The following GPR149 variants were observed in gnomAD, a reference collection of about 807,000 sequenced individuals.
GPR149 encodes G protein-coupled receptor 149.
Under a neutral mutation model 50.2 loss-of-function variants are expected in GPR149, and 50 were observed. That is an observed-to-expected ratio of 1.00 (90% CI 0.79 to 1.26). The LOEUF is 1.26. Ranked by LOEUF, GPR149 falls within the 50% of genes most tolerant of loss-of-function variation. The pLI, the probability that GPR149 is intolerant of heterozygous loss-of-function variation, is 0.00. For synonymous variants in GPR149, 405 were observed against 358.2 expected (o/e 1.13, Z -1.48); for missense variants, 983 against 895.4 (o/e 1.10, Z -1.25).
At chr3:154,338,951 T>C (rs997045848) in intron 3 of GPR149, among the ~76,000 whole-genome samples, 8 of 152,324 alleles carry the variant, frequency 5.3e-5, no homozygotes, top group Non-Finnish European at 1.2e-4. Context: ...GCTTTATGTA[T>C]TAAGATTTTT....
At chr3:154,364,946 A>T (rs1714495089) in intron 3 of GPR149, among the ~76,000 whole-genome samples, 1 of 152,192 alleles carries the variant, frequency 6.6e-6, no homozygotes, top group Admixed American at 6.5e-5. Flanking sequence ...CCACCTTCAC[A>T]GACCTGCTAG....
intron 3 of GPR149, among the ~76,000 whole-genome samples, chr3:154,408,235 A>G (rs537566401): frequency 2.9e-4 from 44 of 152,362 alleles, no homozygotes; most frequent in African/African-American, 1.1e-3. Flanking sequence ...GCTCCCACTC[A>G]GATGGACAGA....
chr3:154,420,914 T>G (rs983185413), intron 3 of GPR149, 125 bp downstream of exon 3: 1 of 681,066 alleles, frequency 1.5e-6, no homozygotes, highest in Admixed American at 3.2e-5. Context: ...AGCATGGAAA[T>G]TAATTGAGGC....
Position 154,380,172 on chromosome 3 carries a change from G to C in GPR149, c.1623+40867C>G, listed in dbSNP as rs539415135. 9.1e-4 allele frequency among the ~76,000 whole-genome samples: 37 copies of C among 40,758 alleles called. No homozygotes were observed. The East Asian group carries it at 0.036, about 39-fold the overall frequency. 26.7% of individuals were successfully genotyped at this position (40,758 alleles called of 152,430 possible). A position where few individuals can be genotyped will look rare whatever the true frequency, so the allele number is the denominator to read the frequency against. ...TGTGTGTGTGTGAGAGAGACAGAGA[G>C]AGAGAGAGAGAGAGAGAGAGAGAGA... On this transcript the variant is annotated intron_variant, in intron 3 of 3. Coordinates refer to ENST00000389740, the MANE Select transcript of GPR149 (RefSeq NM_001038705.3).
intron 3 of GPR149, among the ~76,000 whole-genome samples, chr3:154,356,847 G>A (rs1036264684): frequency 6.6e-6 from 1 of 151,950 alleles, no homozygotes; most frequent in Non-Finnish European, 1.5e-5. Context: ...AGTTCATATG[G>A]AACCAAAAAA....
At chr3:154,361,902 G>A (rs1410764505) in intron 3 of GPR149, among the ~76,000 whole-genome samples, 1 of 152,106 alleles carries the variant, frequency 6.6e-6, no homozygotes, top group Admixed American at 6.5e-5. Flanking sequence ...TACAAGCAGA[G>A]CTTATTAAAA....
intron 3 of GPR149, among the ~76,000 whole-genome samples, chr3:154,347,047 A>G (rs918452946): frequency 6.6e-6 from 1 of 152,184 alleles, no homozygotes; most frequent in African/African-American, 2.4e-5. Flanking sequence ...TTCTTATTTA[A>G]TATTCACAAC....
At chr3:154,351,758 T>C (rs567960070) in intron 3 of GPR149, among the ~76,000 whole-genome samples, 2 of 152,286 alleles carry the variant, frequency 1.3e-5, no homozygotes, top group African/African-American at 4.8e-5. Flanking sequence ...TAAATTTTGT[T>C]ATTTTATAGG....
chr3:154,418,740 C>T (rs1712056535), intron 3 of GPR149, among the ~76,000 whole-genome samples: 1 of 150,468 alleles, frequency 6.6e-6, no homozygotes, highest in African/African-American at 2.5e-5. Flanking sequence ...GGGTGCAGCG[C>T]ACCAGCATGG....
In GPR149 at chr3:154,348,505, C is replaced by A. The variant is rs556036172; in HGVS notation, c.1624-10234G>T. Among the ~76,000 whole-genome samples, 32 of 152,126 alleles carry A rather than the reference C, an allele frequency of 2.1e-4. No individual in the cohort carries two copies. The South Asian group carries it at 5.8e-3, about 28-fold the overall frequency. On this transcript the variant is annotated intron_variant, in intron 3 of 3. Coordinates refer to ENST00000389740, the MANE Select transcript of GPR149 (RefSeq NM_001038705.3). ...TCAGACAAAAGAAAGTTATCAGAGACAGGGAAAATTACTATATAATAATAA... is the reference window on the plus strand; with the variant it reads ...TCAGACAAAAGAAAGTTATCAGAGAAAGGGAAAATTACTATATAATAATAA...
Position 154,351,311 on chromosome 3 carries a change from T to TGCAAAAAAAAAAAAAAAAAAAAAAA in GPR149, c.1624-13041_1624-13040insTTTTTTTTTTTTTTTTTTTTTTTGC, listed in dbSNP as rs1341107044. On this transcript the variant is annotated intron_variant, in intron 3 of 3. Transcript: ENST00000389740. ...GTGCTAGGGCAATTAGACATCCACA[T>TGCAAAAAAAAAAAAAAAAAAAAAAA]ACAAAAAAAAAAAAAAAAAAAAAAA... 1.5e-4 allele frequency among the ~76,000 whole-genome samples: 3 copies of TGCAAAAAAAAAAAAAAAAAAAAAAA among 19,680 alleles called. 1 individual carries two copies. The highest frequency in any genetic ancestry group is 4.0e-4 in the African/African-American group (2 of 5,018). The allele number at this position is 19,680 out of a possible 152,430, so 12.9% of individuals were successfully genotyped here. A position where few individuals can be genotyped will look rare whatever the true frequency, so the allele number is the denominator to read the frequency against.
chr3:154,411,208 G>T (rs889250188), intron 3 of GPR149, among the ~76,000 whole-genome samples: 15 of 152,188 alleles, frequency 9.9e-5, no homozygotes, highest in Middle Eastern at 3.4e-3. Context: ...TGAGAGAAAA[G>T]TTCATAGTAT....
chr3:154,403,482 T>C (rs1450742960), intron 3 of GPR149, among the ~76,000 whole-genome samples: 3 of 152,240 alleles, frequency 2.0e-5, no homozygotes, highest in African/African-American at 7.2e-5. Flanking sequence ...AGTTTTGTTC[T>C]GTTCTTTTTT....
At position 154,421,046 on chromosome 3, in the gene GPR149, G is replaced by C; in HGVS notation, c.1616C>G (p.Pro539Arg). Reference sequence around the variant, plus strand: ...GAACAACTTTTACTGTACCTGACGAGGGGTTCTTTCTGATTTACTCCTACA... The same window carrying C: ...GAACAACTTTTACTGTACCTGACGACGGGTTCTTTCTGATTTACTCCTACA... ...EWCRSKSERT[P>R]RQRSGYALAI... Residue 539 changes from proline (P) to arginine (R), a missense_variant, in exon 3 of 4, where the codon CCT becomes CGT. Physicochemically the swap from Pro to Arg is moderately radical, Grantham distance 103 (BLOSUM62 -2). Transcript: ENST00000389740. The C allele has an allele frequency of 6.2e-7, 1 of 1,600,138 alleles. No homozygotes were observed. Among genetic ancestry groups the C allele is most frequent in the Non-Finnish European group, 8.5e-7 (1 of 1,173,972 alleles).
At chr3:154,425,164 C>G (rs1712259886) in intron 2 of GPR149, among the ~76,000 whole-genome samples, 1 of 152,058 alleles carries the variant, frequency 6.6e-6, no homozygotes, top group Admixed American at 6.6e-5. Flanking sequence ...TTCCACTGCT[C>G]ACATTCATTT....
intron 3 of GPR149, among the ~76,000 whole-genome samples, chr3:154,386,446 G>A (rs1416544432): frequency 1.3e-5 from 2 of 152,232 alleles, no homozygotes; most frequent in Non-Finnish European, 2.9e-5. Flanking sequence ...AACCTGGGTG[G>A]CACTGTCTCA....
rs545609186 is a variant in GPR149, at chr3:154,348,266, C to T, written c.1624-9995G>A. 4.7e-4 allele frequency among the ~76,000 whole-genome samples: 71 copies of T among 152,202 alleles called. 1 individual carries two copies. Among genetic ancestry groups the T allele is most frequent in the African/African-American group, 1.5e-3 (61 of 41,526 alleles). On this transcript the variant is annotated intron_variant, in intron 3 of 3. Transcript: ENST00000389740. ...CTGAATTAGACAGCAGATTCCTCTGCAGTAGTTTATTCTTGTAGTCTAAAT... is the reference window on the plus strand; with the variant it reads ...CTGAATTAGACAGCAGATTCCTCTGTAGTAGTTTATTCTTGTAGTCTAAAT...
At chr3:154,339,565 C>T (rs1368064752) in intron 3 of GPR149, among the ~76,000 whole-genome samples, 1 of 152,058 alleles carries the variant, frequency 6.6e-6, no homozygotes, top group African/African-American at 2.4e-5. Flanking sequence ...ATTTCTGCAT[C>T]CCAGGAAATC....
intron 3 of GPR149, among the ~76,000 whole-genome samples, chr3:154,376,981 G>A (rs906933594): frequency 6.7e-6 from 1 of 150,024 alleles, no homozygotes; most frequent in African/African-American, 2.5e-5. Flanking sequence ...AATGTGTAAA[G>A]TATTTAGAAG....
Sources: allele counts gnomAD v4.1 joint callset (sites outside exome capture counted in the v4.1 genomes callset), GRCh38; gene constraint gnomAD v4.1.1; transcripts MANE v1.5; gene names NCBI Gene and HGNC (gene_info 2026-07-23, HGNC 2026-07-21).